The following CSMD1 variants were observed in gnomAD, a reference collection of about 807,000 sequenced individuals.
The protein encoded by CSMD1 is CUB and Sushi multiple domains 1, also known as CUB and sushi domain-containing protein 1.
Under a neutral mutation model 417.5 loss-of-function variants are expected in CSMD1, and 213 were observed. The observed-to-expected ratio is 0.51, with a 90% CI of 0.46 to 0.57. The LOEUF is 0.57. CSMD1 is among the 20% of genes least tolerant of loss of function. The pLI is 0.00. For missense variants in CSMD1, 6,923 were observed against 4,529.7 expected, an observed-to-expected ratio of 1.53 and a Z score of -15.17; for synonymous variants, 2,862 against 1,736.8, an observed-to-expected ratio of 1.65 and a Z score of -16.11.
chr8:4,337,258 T>C (rs939236892), intron 3 of CSMD1, among the ~76,000 whole-genome samples: 7 of 152,122 alleles, frequency 4.6e-5, no homozygotes, highest in African/African-American at 1.7e-4. Flanking sequence ...AAACATAGCA[T>C]CATGGCAACT....
intron 2 of CSMD1, among the ~76,000 whole-genome samples, chr8:4,445,167 A>T (rs777290357): frequency 2.0e-5 from 3 of 152,196 alleles, no homozygotes; most frequent in Non-Finnish European, 4.4e-5. Flanking sequence ...CACTAGAAGA[A>T]TCTGACACCT....
At chr8:4,653,030 G>C (rs981537296) in intron 1 of CSMD1, among the ~76,000 whole-genome samples, 2 of 152,092 alleles carry the variant, frequency 1.3e-5, no homozygotes, top group African/African-American at 4.8e-5. Flanking sequence ...ACAGGCCACA[G>C]ATAGGTACCT....
intron 54 of CSMD1, among the ~76,000 whole-genome samples, chr8:2,985,361 G>C (rs1053598313): frequency 6.6e-6 from 1 of 151,566 alleles, no homozygotes; most frequent in East Asian, 1.9e-4. Flanking sequence ...GTTTCACCAC[G>C]TGAGGCAGGA....
chr8:3,573,185 CAT>C (rs1800013103), intron 10 of CSMD1, among the ~76,000 whole-genome samples: 1 of 152,118 alleles, frequency 6.6e-6, no homozygotes. Flanking sequence ...ACTTACGCAA[CAT>C]GTGGATTTAT....
intron 26 of CSMD1, among the ~76,000 whole-genome samples, chr8:3,239,624 A>G (rs973505467): frequency 6.6e-6 from 1 of 152,236 alleles, no homozygotes; most frequent in Non-Finnish European, 1.5e-5. Flanking sequence ...AATACTGAGA[A>G]GTTATTTCCT....
intron 5 of CSMD1, among the ~76,000 whole-genome samples, chr8:3,776,272 C>G (rs1459188172): frequency 3.3e-5 from 5 of 152,158 alleles, no homozygotes; most frequent in Non-Finnish European, 7.4e-5. Flanking sequence ...CTGCTCCATT[C>G]TATTCTCAGA....
intron 3 of CSMD1, among the ~76,000 whole-genome samples, chr8:4,237,798 C>T (rs1017099935): frequency 2.6e-5 from 4 of 152,162 alleles, no homozygotes; most frequent in African/African-American, 9.7e-5. Flanking sequence ...TAGACATGGG[C>T]CACAGTACCT....
chr8:4,409,623 T>C (rs955200195), intron 3 of CSMD1, among the ~76,000 whole-genome samples: 5 of 145,400 alleles, frequency 3.4e-5, no homozygotes, highest in Admixed American at 7.2e-5. Context: ...TATAGATTCA[T>C]CATTATTTGA....
chr8:3,180,057 T>C (rs1402793852), intron 37 of CSMD1, among the ~76,000 whole-genome samples: 1 of 152,224 alleles, frequency 6.6e-6, no homozygotes, highest in Non-Finnish European at 1.5e-5. Flanking sequence ...TTAAAGCTTA[T>C]CCATGTATTT....
At chr8:4,610,063 A>T (rs1801083113) in intron 2 of CSMD1, among the ~76,000 whole-genome samples, 1 of 152,046 alleles carries the variant, frequency 6.6e-6, no homozygotes, top group South Asian at 2.1e-4. Context: ...ATTTCATCCA[A>T]ATTCTTGCTA....
chr8:4,577,344 G>T (rs117070171), intron 2 of CSMD1, among the ~76,000 whole-genome samples: 1 of 152,146 alleles, frequency 6.6e-6, no homozygotes, highest in Admixed American at 6.5e-5. Flanking sequence ...ATATTTAGGA[G>T]AGCTTATTTC....
chr8:3,142,734 C>G, intron 40 of CSMD1, 60 bp from the exon 41 acceptor site: 2 of 1,360,750 alleles, frequency 1.5e-6, no homozygotes, highest in Non-Finnish European at 2.1e-6. Flanking sequence ...AATCAATGCT[C>G]ATAAAAAGGG....
chr8:4,547,850 C>T (rs912322652), intron 2 of CSMD1, among the ~76,000 whole-genome samples: 5 of 152,094 alleles, frequency 3.3e-5, no homozygotes, highest in South Asian at 4.1e-4. Flanking sequence ...GTTGTTGTTG[C>T]ACGGGGATTG....
At chr8:4,105,722 A>T (rs1461513512) in intron 3 of CSMD1, among the ~76,000 whole-genome samples, 1 of 152,194 alleles carries the variant, frequency 6.6e-6, no homozygotes, top group African/African-American at 2.4e-5. Flanking sequence ...GGCAAGATCA[A>T]CCCACAGCTT....
At chr8:4,709,561 C>G (rs1361005777) in intron 1 of CSMD1, among the ~76,000 whole-genome samples, 1 of 152,218 alleles carries the variant, frequency 6.6e-6, no homozygotes, top group African/African-American at 2.4e-5. Flanking sequence ...TCTGTCGTTG[C>G]TCACCGTGGA....
chr8:3,162,270 A>T lies in CSMD1; in HGVS notation c.5733T>A (p.Gly1911=), dbSNP rs1216682378. The change falls in exon 38 of 70, where the codon GGT becomes GGA. Residue 1911 remains glycine (G), a synonymous_variant. Transcript: ENST00000635120. ...AGFHLEYKTV[G]LAACQEPALP... is the part of the protein sequence containing the mutation. ...GGGCTGGTTCTTGGCATGCAGCAAGACCTACAGCTAGAAATGCAAAGACAA... is the reference window on the plus strand; with the variant it reads ...GGGCTGGTTCTTGGCATGCAGCAAGTCCTACAGCTAGAAATGCAAAGACAA... The T allele has an allele frequency of 3.8e-6, 6 of 1,599,786 alleles. No homozygotes were observed. The highest frequency in any genetic ancestry group is 5.1e-6 in the Non-Finnish European group (6 of 1,170,768).
At chr8:4,541,559 C>A (rs570883636) in intron 2 of CSMD1, among the ~76,000 whole-genome samples, 1 of 151,804 alleles carries the variant, frequency 6.6e-6, no homozygotes, top group Non-Finnish European at 1.5e-5. Flanking sequence ...AACAGCCTGG[C>A]CACCATGGTA....
intron 2 of CSMD1, among the ~76,000 whole-genome samples, chr8:4,469,208 A>G (rs1585128685): frequency 1.3e-5 from 2 of 152,178 alleles, no homozygotes; most frequent in African/African-American, 4.8e-5. Flanking sequence ...TTACCTCTCC[A>G]AGGCCAAGAC....
At chr8:4,442,465 T>C (rs1798541176) in intron 2 of CSMD1, among the ~76,000 whole-genome samples, 1 of 152,154 alleles carries the variant, frequency 6.6e-6, no homozygotes, top group East Asian at 1.9e-4. Context: ...CTTACATGCT[T>C]ATCTACAAGC....
Sources: allele counts gnomAD v4.1 joint callset (sites outside exome capture counted in the v4.1 genomes callset), GRCh38; gene constraint gnomAD v4.1.1; transcripts MANE v1.5; gene names NCBI Gene and HGNC (gene_info 2026-07-23, HGNC 2026-07-21).